Variants in GLS2 observed in about 807,000 individuals in gnomAD.
GLS2 encodes the protein glutaminase 2.
GLS2 carries 52 observed loss-of-function variants against 79.0 expected under a neutral mutation model. That is an observed-to-expected ratio of 0.66 (90% CI 0.53 to 0.83). The LOEUF is 0.83. Among genes scored for constraint, GLS2 ranks in the 40% least tolerant of loss-of-function variants. GLS2 has a pLI of 0.00. For synonymous variants in GLS2, 238 were observed against 280.8 expected, an observed-to-expected ratio of 0.85 and a Z score of 1.52; for missense variants, 561 against 764.8, an observed-to-expected ratio of 0.73 and a Z score of 3.14.
At chr12:56,472,077 CTT>C (rs1869329542) in intron 16 of GLS2, 40 bp downstream of exon 16, 1 of 1,599,182 alleles carries the variant, frequency 6.3e-7, no homozygotes, top group African/African-American at 1.3e-5. Context: ...AAGAAAGGGT[CTT>C]ATGATTACCC....
chr12:56,484,339 A>T (rs993671858), intron 1 of GLS2, among the ~76,000 whole-genome samples: 3 of 152,200 alleles, frequency 2.0e-5, no homozygotes, highest in Non-Finnish European at 4.4e-5. Context: ...GGTGCCAGGA[A>T]AAAGGGATGG....
chr12:56,481,870 A>G (rs1870327064), intron 1 of GLS2, among the ~76,000 whole-genome samples: 1 of 149,138 alleles, frequency 6.7e-6, no homozygotes, highest in Admixed American at 6.7e-5. Flanking sequence ...CAGCCTGGGC[A>G]AAAAGAGCAA....
rs367695348 is a variant in GLS2, at chr12:56,471,846, T to G, written c.1589-10A>C. 6.2e-7 allele frequency: 1 copy of G among 1,613,646 alleles called. No individual in the cohort carries two copies. The highest frequency in any genetic ancestry group is 1.3e-5 in the African/African-American group (1 of 75,018). On this transcript the variant is annotated splice_polypyrimidine_tract_variant and intron_variant, in intron 16 of 17. Transcript: ENST00000311966. ...ACAACTTCGATGTGTCCTAGGAATA[T>G]GGGCAGAAGGAAAATGAGAAGGCGC...
At chr12:56,482,497 G>A (rs897269685) in intron 1 of GLS2, among the ~76,000 whole-genome samples, 11 of 152,160 alleles carry the variant, frequency 7.2e-5, no homozygotes, top group African/African-American at 1.9e-4. Flanking sequence ...TTATGCTGCC[G>A]GTTTGACACA....
intron 8 of GLS2, 128 bp from the exon 9 acceptor site, chr12:56,475,810 C>A: frequency 1.4e-6 from 2 of 1,408,532 alleles, no homozygotes; most frequent in Non-Finnish European, 2.0e-6. Flanking sequence ...CAGCAGATTT[C>A]CACATTTCTG....
chr12:56,471,462 A>C lies in GLS2; in HGVS notation c.*25T>G. On this transcript the variant is annotated 3_prime_UTR_variant, in exon 18 of 18. Transcript: ENST00000311966. Reference sequence around the variant, plus strand: ...TGTGGCCAGCTCATGCTTTTTCTTGAGCAGGGGCTGTCCATGACCTGTGCT... The same window carrying C: ...TGTGGCCAGCTCATGCTTTTTCTTGCGCAGGGGCTGTCCATGACCTGTGCT... The C allele has an allele frequency of 1.3e-6, 2 of 1,591,052 alleles. No homozygotes were observed. The highest frequency in any genetic ancestry group is 1.7e-6 in the Non-Finnish European group (2 of 1,169,206).
At chr12:56,480,409 G>A (rs779018852) in intron 1 of GLS2, 22 bp from the exon 2 acceptor site, 1 of 1,593,108 alleles carries the variant, frequency 6.3e-7, no homozygotes, top group South Asian at 1.1e-5. Context: ...CAGAGAATGG[G>A]GAGGAAAGTG....
Position 56,478,185 on chromosome 12 carries a change from T to G in GLS2, c.612A>C (p.Gln204His), listed in dbSNP as rs1221502170. Residue 204 changes from glutamine (Q) to histidine (H), a missense_variant and splice_region_variant, in exon 5 of 18, where the codon CAA (glutamine) becomes CAC (histidine). By Grantham distance (24) the Gln-to-His change is conservative (BLOSUM62 0). This residue lies in a region of GLS2 where 221 missense variants were observed against 275.6 expected (regional missense o/e 0.80). Transcript: ENST00000311966. ...CTTCCTCTTGCCCAGCATCTCACCGTTGACCATCCACAGTGCACAGGGAGA... is the reference window on the plus strand; with the variant it reads ...CTTCCTCTTGCCCAGCATCTCACCGGTGACCATCCACAGTGCACAGGGAGA... ...WGVSLCTVDG[Q>H]RHSVGHTKIP... 1.2e-6 allele frequency: 2 copies of G among 1,614,098 alleles called. No homozygotes were observed. Among genetic ancestry groups the G allele is most frequent in the East Asian group, 4.5e-5 (2 of 44,890 alleles).
At chr12:56,487,638 A>G in intron 1 of GLS2, 1 of 480,860 alleles carries the variant, frequency 2.1e-6, no homozygotes, top group Non-Finnish European at 3.7e-6. Flanking sequence ...CCGGCCCTGC[A>G]CTCAGACACG....
chr12:56,474,866 C>CA lies in GLS2; in HGVS notation c.1026dup (p.Ala343CysfsTer3), dbSNP rs777335978. The CA allele has an allele frequency of 6.2e-7, 1 of 1,614,162 alleles. No homozygotes were observed. The highest frequency in any genetic ancestry group is 8.5e-7 in the Non-Finnish European group (1 of 1,180,020). On this transcript the variant is annotated frameshift_variant, in exon 11 of 18. Transcript: ENST00000311966. LOFTEE classifies it high-confidence loss of function. ...CTTACCTGGAAGTAGAGATCAAGGG[C>CA]AGCCATCATGTCCACCCCCTTAGGA...
chr12:56,476,029 G>A (rs759803085), intron 7 of GLS2, 52 bp from the exon 8 acceptor site: 4 of 1,574,506 alleles, frequency 2.5e-6, no homozygotes, highest in Non-Finnish European at 3.5e-6. Flanking sequence ...GGATGACAGA[G>A]GGAAGGGTCA....
rs112513236 is a variant in GLS2 at position 56,471,117 on chromosome 12, C to T, written c.*370G>A. The T allele has an allele frequency of 1.9e-4, 75 of 390,574 alleles. No homozygotes were observed. The Middle Eastern group carries it at 2.7e-3, about 14-fold the overall frequency. 24.2% of individuals were successfully genotyped at this position (390,574 alleles called of 1,614,324 possible). A position where few individuals can be genotyped will look rare whatever the true frequency, so the allele number is the denominator to read the frequency against. On this transcript the variant is annotated 3_prime_UTR_variant, in exon 18 of 18. Coordinates refer to ENST00000311966, the MANE Select transcript of GLS2 (RefSeq NM_013267.4). Reference sequence around the variant, plus strand: ...ACTTCCCATATTCTGTGGATATGTACATGTGCATGGTAGCTAGAGTCCCTC... The same window carrying T: ...ACTTCCCATATTCTGTGGATATGTATATGTGCATGGTAGCTAGAGTCCCTC...
intron 1 of GLS2, among the ~76,000 whole-genome samples, chr12:56,482,364 C>G (rs1161815033): frequency 1.3e-5 from 2 of 152,312 alleles, no homozygotes; most frequent in East Asian, 3.9e-4. Context: ...GCTTCCTGGC[C>G]TTTGCTTATG....
At position 56,480,222 on chromosome 12, in the gene GLS2, C is replaced by G; in HGVS notation, c.282+66G>C. On this transcript the variant is annotated intron_variant, in intron 2 of 17. Transcript: ENST00000311966. ...ATTAGCTGCCCTGCACTTGTCATAC[C>G]CTCCTTTCCCCACTTTTCAGAGATC... The G allele has an allele frequency of 5.7e-6, 8 of 1,399,984 alleles. No individual in the cohort carries two copies. In the South Asian group the frequency reaches 9.8e-5, roughly 17 times the overall value. 86.7% of individuals were successfully genotyped at this position (1,399,984 alleles called of 1,614,324 possible). A position where few individuals can be genotyped will look rare whatever the true frequency, so the allele number is the denominator to read the frequency against.
chr12:56,473,779 C>T (rs145174304), intron 12 of GLS2, 185 bp from the exon 13 acceptor site: 5 of 665,440 alleles, frequency 7.5e-6, no homozygotes, highest in African/African-American at 7.3e-5. Context: ...TTCATTGATT[C>T]AGCTAGAAAA....
intron 7 of GLS2, chr12:56,476,295 C>T (rs1046812534): frequency 3.3e-5 from 11 of 329,622 alleles, no homozygotes; most frequent in Non-Finnish European, 5.1e-5. Context: ...CCAAGTAGCT[C>T]GGATTACAGG....
At chr12:56,475,397 C>G in intron 9 of GLS2, 1 of 727,488 alleles carries the variant, frequency 1.4e-6, no homozygotes, top group Non-Finnish European at 2.2e-6. Context: ...GGCTTAGGCA[C>G]AAACCATCAC....
Position 56,475,081 on chromosome 12 carries a change from C to T in GLS2, c.959G>A (p.Arg320Gln), listed in dbSNP as rs760689226. 4 of 1,614,130 alleles carry T rather than the reference C, an allele frequency of 2.5e-6. No individual in the cohort carries two copies. In the East Asian group the frequency reaches 6.7e-5, roughly 27 times the overall value. ...TFQSEKETGD[R>Q]NYAIGYYLKE... The stretch of plus-strand genomic sequence containing the variant: ...GAGATAATAGCCGATGGCATAATTC[C>T]GATCCCCTGTTTCCTTCTCTGACTG... The change falls in exon 10 of 18, where the codon CGG (arginine) becomes CAG (glutamine). Residue 320 changes from arginine to glutamine, a missense_variant. Arg to Gln is a conservative substitution (Grantham distance 43). Around this residue, in one of 4 missense-constraint regions of GLS2, gnomAD observed 221 missense variants for 275.6 expected, o/e 0.80. Coordinates refer to ENST00000311966, the MANE Select transcript of GLS2 (RefSeq NM_013267.4).
intron 9 of GLS2, 76 bp from the exon 10 acceptor site, chr12:56,475,186 G>A: frequency 6.2e-7 from 1 of 1,607,028 alleles, no homozygotes; most frequent in South Asian, 1.1e-5. Context: ...TACCTTCCCT[G>A]GAGAGACAGA....
Sources: allele counts gnomAD v4.1 joint callset (sites outside exome capture counted in the v4.1 genomes callset), GRCh38; gene constraint gnomAD v4.1.1; regional missense constraint gnomAD v4.1.1; transcripts MANE v1.5; gene names NCBI Gene and HGNC (gene_info 2026-07-23, HGNC 2026-07-21).